Variants in CHLSN observed in about 807,000 individuals in gnomAD.
CHLSN encodes the protein cholesin.
chr7:1,021,686 G>C, the CHLSN span: 874 of 433,434 alleles, frequency 2.0e-3, 9 homozygotes, highest in African/African-American at 0.018. Flanking sequence ...GTCGGCTGGA[G>C]GCAGGACACC....
the CHLSN span, among the ~76,000 whole-genome samples, chr7:1,128,503 C>CCT: frequency 5.7e-5 from 1 of 17,614 alleles, no homozygotes. Flanking sequence ...CTCATCTCAC[C>CCT]GTCACCCGGG....
the CHLSN span, among the ~76,000 whole-genome samples, chr7:1,107,315 C>T: frequency 6.6e-6 from 1 of 152,016 alleles, no homozygotes; most frequent in African/African-American, 2.4e-5. Context: ...CAGCTATGCA[C>T]GGGTCAACAA....
At chr7:1,106,736 G>A in the CHLSN span, among the ~76,000 whole-genome samples, 1 of 152,238 alleles carries the variant, frequency 6.6e-6, no homozygotes, top group Non-Finnish European at 1.5e-5. Context: ...AGAAGATGCC[G>A]GTGCTGCCGG....
At chr7:1,064,773 A>G in the CHLSN span, among the ~76,000 whole-genome samples, 1 of 152,042 alleles carries the variant, frequency 6.6e-6, no homozygotes. Flanking sequence ...CACGAGGGAG[A>G]CTGAAGCCCA....
At chr7:1,035,760 C>G in the CHLSN span, among the ~76,000 whole-genome samples, 2 of 152,194 alleles carry the variant, frequency 1.3e-5, no homozygotes, top group African/African-American at 4.8e-5. Context: ...AAAATCCTGC[C>G]ACAGGATTCA....
chr7:1,082,789 C>A, the CHLSN span, among the ~76,000 whole-genome samples: 77 of 152,226 alleles, frequency 5.1e-4, 1 homozygote, highest in Non-Finnish European at 6.2e-4. Flanking sequence ...GTTCCATGTT[C>A]CCACCAAGGG....
the CHLSN span, among the ~76,000 whole-genome samples, chr7:1,136,050 A>T: frequency 0.49 from 55,768 of 114,534 alleles, 14,259 homozygotes; most frequent in African/African-American, 0.57. Flanking sequence ...ATATATAAGT[A>T]TATATAAATA....
chr7:1,081,421 C>T, the CHLSN span, among the ~76,000 whole-genome samples: 1 of 152,252 alleles, frequency 6.6e-6, no homozygotes, highest in Non-Finnish European at 1.5e-5. Context: ...AGAGCCCGAG[C>T]CCGGGCAGAA....
the CHLSN span, chr7:1,056,181 T>A: frequency 6.4e-6 from 1 of 156,534 alleles, no homozygotes; most frequent in Non-Finnish European, 1.4e-5. Flanking sequence ...ATCCCCCAGA[T>A]TGCTGCCTGC....
At chr7:984,701 C>A in the CHLSN span, 7 of 1,357,892 alleles carry the variant, frequency 5.2e-6, no homozygotes, top group Non-Finnish European at 5.9e-6. Flanking sequence ...AGGAGCTGGG[C>A]CTCCGGGCTG....
chr7:1,136,057 AAT>A, the CHLSN span, among the ~76,000 whole-genome samples: 3 of 116,176 alleles, frequency 2.6e-5, no homozygotes, highest in East Asian at 2.6e-4. Context: ...AGTATATATA[AAT>A]ATATATAAAT....
the CHLSN span, among the ~76,000 whole-genome samples, chr7:1,016,782 A>ACAGCACACGC: frequency 1.6e-5 from 1 of 63,538 alleles, no homozygotes; most frequent in Non-Finnish European, 2.8e-5. Flanking sequence ...ACAGCAGCGC[A>ACAGCACACGC]CAGCACACAG....
the CHLSN span, chr7:1,000,405 G>A: frequency 1.9e-5 from 21 of 1,086,894 alleles, no homozygotes; most frequent in African/African-American, 7.2e-5. Flanking sequence ...CCGGGGGGAC[G>A]TGCCTGCCCC....
chr7:1,020,779 G>A, the CHLSN span, among the ~76,000 whole-genome samples: 1,146 of 152,318 alleles, frequency 7.5e-3, 16 homozygotes, highest in African/African-American at 0.022. Context: ...GACGGCCTGG[G>A]CCTTGGATGT....
the CHLSN span, among the ~76,000 whole-genome samples, chr7:1,121,267 A>C: frequency 6.6e-6 from 1 of 152,176 alleles, no homozygotes; most frequent in South Asian, 2.1e-4. Context: ...GCAGTCAGAC[A>C]GGAGAAAATA....
chr7:1,007,227 G>T, the CHLSN span, among the ~76,000 whole-genome samples: 4 of 152,230 alleles, frequency 2.6e-5, no homozygotes, highest in African/African-American at 9.6e-5. Flanking sequence ...AGATGGCTTT[G>T]CCTCCAGGAG....
chr7:1,093,878 C>T, the CHLSN span: 312 of 338,724 alleles, frequency 9.2e-4, 2 homozygotes, highest in African/African-American at 5.9e-3. Flanking sequence ...ATGGGGCACT[C>T]GGGAGAATCC....
At chr7:1,021,306 G>T in the CHLSN span, 1 of 885,876 alleles carries the variant, frequency 1.1e-6, no homozygotes, top group Non-Finnish European at 1.4e-6. Context: ...CACCCATGGG[G>T]CAGGTTTCTT....
the CHLSN span, chr7:1,000,616 TGA>T: frequency 4.3e-4 from 584 of 1,346,456 alleles, 1 homozygote; most frequent in South Asian, 5.5e-4. Context: ...CTGTCTGCCC[TGA>T]GAGATCGGGG....
Sources: allele counts gnomAD v4.1 joint callset (sites outside exome capture counted in the v4.1 genomes callset), GRCh38; gene constraint gnomAD v4.1.1; transcripts MANE v1.5; gene names NCBI Gene and HGNC (gene_info 2026-07-23, HGNC 2026-07-21).